DPYD: variants seen among roughly 807,000 people sequenced by gnomAD.
DPYD encodes dihydropyrimidine dehydrogenase [NADP(+)].
A neutral mutation model predicts 116.2 loss-of-function variants in DPYD; 109 were observed. That is an observed-to-expected ratio of 0.94 (90% CI 0.80 to 1.10). The LOEUF (loss-of-function observed/expected upper bound fraction) is 1.10, where lower values mean the gene tolerates loss of function less well. DPYD is among the 50% of genes least tolerant of loss of function. The probability of loss-of-function intolerance (pLI) is 0.00; values close to 1 mark genes in which losing one functional copy is unlikely to be tolerated. For synonymous variants in DPYD, 440 were observed against 432.0 expected (o/e 1.02, Z -0.23); for missense variants, 1,302 against 1,254.5 (o/e 1.04, Z -0.57).
chr1:97,561,608 A>T (rs1029830997), intron 11 of DPYD, among the ~76,000 whole-genome samples: 17 of 152,204 alleles, frequency 1.1e-4, no homozygotes, highest in Admixed American at 1.1e-3. Flanking sequence ...TGTGTAGCAA[A>T]CATATTTAAT....
intron 4 of DPYD, among the ~76,000 whole-genome samples, chr1:97,737,409 C>A (rs1347346555): frequency 6.6e-6 from 1 of 152,066 alleles, no homozygotes. Context: ...GACTTTCCAA[C>A]ATTTTTTCTT....
intron 20 of DPYD, among the ~76,000 whole-genome samples, chr1:97,177,900 TG>T (rs1199812770): frequency 2.0e-5 from 3 of 152,084 alleles, no homozygotes; most frequent in African/African-American, 7.2e-5. Flanking sequence ...ATTTGGTATC[TG>T]GGGGCGGCCT....
intron 3 of DPYD, among the ~76,000 whole-genome samples, chr1:97,816,168 G>A (rs995941842): frequency 6.6e-6 from 1 of 150,890 alleles, no homozygotes; most frequent in Non-Finnish European, 1.5e-5. Flanking sequence ...TACTCCTTGT[G>A]ACTCAAGTGG....
At chr1:97,509,537 G>T (rs1014540674) in intron 13 of DPYD, among the ~76,000 whole-genome samples, 1 of 151,982 alleles carries the variant, frequency 6.6e-6, no homozygotes, top group Non-Finnish European at 1.5e-5. Context: ...AACGTGTTCA[G>T]TTGAGTGTTT....
At chr1:97,698,463 C>A (rs939051057) in intron 6 of DPYD, among the ~76,000 whole-genome samples, 1 of 151,736 alleles carries the variant, frequency 6.6e-6, no homozygotes, top group Non-Finnish European at 1.5e-5. Flanking sequence ...AGAAACTTCA[C>A]AAATTTTAGT....
intron 13 of DPYD, among the ~76,000 whole-genome samples, chr1:97,507,877 AAAGAAAAACAG>A (rs1219410064): frequency 1.3e-5 from 2 of 152,050 alleles, no homozygotes; most frequent in Non-Finnish European, 2.9e-5. Flanking sequence ...CTTATTATGA[AAAGAAAAACAG>A]AACTATTTAG....
chr1:97,538,616 A>G (rs1650194963), intron 12 of DPYD, among the ~76,000 whole-genome samples: 1 of 152,222 alleles, frequency 6.6e-6, no homozygotes, highest in Non-Finnish European at 1.5e-5. Flanking sequence ...AACCTAATAA[A>G]CACCTATTTC....
At chr1:97,192,542 C>T (rs1450521175) in intron 20 of DPYD, among the ~76,000 whole-genome samples, 2 of 152,146 alleles carry the variant, frequency 1.3e-5, no homozygotes, top group East Asian at 1.9e-4. Context: ...TTATAGAAAA[C>T]GTAAATGTAG....
intron 18 of DPYD, among the ~76,000 whole-genome samples, chr1:97,257,295 C>T (rs1026724552): frequency 7.9e-5 from 12 of 151,758 alleles, no homozygotes; most frequent in African/African-American, 1.5e-4. Flanking sequence ...ATCCAAACTA[C>T]TCCAACTAGT....
chr1:97,648,647 T>C (rs1658404578), intron 8 of DPYD, among the ~76,000 whole-genome samples: 1 of 152,032 alleles, frequency 6.6e-6, no homozygotes, highest in Non-Finnish European at 1.5e-5. Flanking sequence ...AAGGTAAGAA[T>C]ACATTATAAT....
At chr1:97,281,366 A>G (rs1665312186) in intron 18 of DPYD, among the ~76,000 whole-genome samples, 1 of 151,868 alleles carries the variant, frequency 6.6e-6, no homozygotes, top group African/African-American at 2.4e-5. Flanking sequence ...TAAAGAGTAG[A>G]TCCTACCAAA....
intron 20 of DPYD, among the ~76,000 whole-genome samples, chr1:97,112,792 C>T (rs1651696748): frequency 6.6e-6 from 1 of 152,028 alleles, no homozygotes; most frequent in Non-Finnish European, 1.5e-5. Flanking sequence ...GTTTGTTGGA[C>T]AAGTAAGAAA....
chr1:97,268,949 T>C (rs1264915479), intron 18 of DPYD, among the ~76,000 whole-genome samples: 4 of 152,228 alleles, frequency 2.6e-5, no homozygotes, highest in Non-Finnish European at 5.9e-5. Context: ...AGTTTTTCAA[T>C]GTTTTCTGTT....
chr1:97,374,446 C>T (rs900549942), intron 15 of DPYD, among the ~76,000 whole-genome samples: 3 of 152,060 alleles, frequency 2.0e-5, no homozygotes, highest in African/African-American at 4.8e-5. Flanking sequence ...ATAGGCCGGG[C>T]ACAGTGGCTC....
At chr1:97,492,898 C>T (rs1445793535) in intron 13 of DPYD, among the ~76,000 whole-genome samples, 1 of 151,822 alleles carries the variant, frequency 6.6e-6, no homozygotes, top group East Asian at 1.9e-4. Flanking sequence ...TAATTTAAAC[C>T]ACAGGTTGAA....
chr1:97,591,262 A>G (rs1654498792), intron 10 of DPYD, among the ~76,000 whole-genome samples: 1 of 152,132 alleles, frequency 6.6e-6, no homozygotes, highest in Admixed American at 6.6e-5. Flanking sequence ...CACACTCATT[A>G]TACTCCTATA....
intron 14 of DPYD, among the ~76,000 whole-genome samples, chr1:97,444,397 A>G (rs894809809): frequency 6.6e-6 from 1 of 152,052 alleles, no homozygotes; most frequent in African/African-American, 2.4e-5. Context: ...TTAAAATGGG[A>G]AAAAAAATCT....
chr1:97,363,121 C>A (rs1195302502), intron 16 of DPYD, among the ~76,000 whole-genome samples: 2 of 152,146 alleles, frequency 1.3e-5, no homozygotes, highest in Non-Finnish European at 2.9e-5. Flanking sequence ...AAACATACAA[C>A]CCCATCAAAA....
At chr1:97,345,369 C>T (rs1669788432) in intron 16 of DPYD, among the ~76,000 whole-genome samples, 1 of 151,712 alleles carries the variant, frequency 6.6e-6, no homozygotes, top group Non-Finnish European at 1.5e-5. Context: ...TTTCTTCACT[C>T]AACAAAATGG....
Sources: allele counts gnomAD v4.1 joint callset (sites outside exome capture counted in the v4.1 genomes callset), GRCh38; gene constraint gnomAD v4.1.1; transcripts MANE v1.5; gene names NCBI Gene and HGNC (gene_info 2026-07-23, HGNC 2026-07-21).